The following STAU2 variants were observed in gnomAD, a reference collection of about 807,000 sequenced individuals.
The protein encoded by STAU2 is double-stranded RNA-binding protein Staufen homolog 2.
A neutral mutation model predicts 65.9 loss-of-function variants in STAU2; 20 were observed. That is an observed-to-expected ratio of 0.30 (90% CI 0.21 to 0.44). The LOEUF is 0.44. Among genes scored for constraint, STAU2 ranks in the 20% least tolerant of loss-of-function variants. STAU2 has a pLI of 1.00. For synonymous variants in STAU2, 232 were observed against 233.9 expected (o/e 0.99, Z 0.07); for missense variants, 558 against 683.9 (o/e 0.82, Z 2.05).
At chr8:73,715,540 A>C (rs546317540) in intron 3 of STAU2, among the ~76,000 whole-genome samples, 13 of 151,828 alleles carry the variant, frequency 8.6e-5, no homozygotes, top group African/African-American at 3.1e-4. Context: ...GATTTTTTTT[A>C]ATAATCATTT....
chr8:73,649,256 A>AT (rs1188308736), intron 6 of STAU2, among the ~76,000 whole-genome samples: 3 of 152,170 alleles, frequency 2.0e-5, no homozygotes, highest in Non-Finnish European at 4.4e-5. Flanking sequence ...AGTTAAAAAT[A>AT]TTTTTTTGAT....
chr8:73,679,724 C>CAAA lies in STAU2; in HGVS notation c.275-6485_275-6483dup, dbSNP rs200202936. Among the ~76,000 whole-genome samples, 45 of 137,494 alleles carry CAAA rather than the reference C, an allele frequency of 3.3e-4. 1 individual carries two copies. The highest frequency in any genetic ancestry group is 6.9e-4 in the South Asian group (3 of 4,362). The allele number at this position is 137,494 out of a possible 152,430, so 90.2% of individuals were successfully genotyped here. On this transcript the variant is annotated intron_variant, in intron 5 of 14. Transcript: ENST00000524300. ...TGAAACCCTGTTTCTACTAAAAATA[C>CAAA]AAAAAAAAAAAAAATTAGCTGGGCA...
intron 13 of STAU2, chr8:73,438,884 T>C (rs1817910272): frequency 6.6e-6 from 3 of 453,704 alleles, no homozygotes; most frequent in South Asian, 1.6e-5. Flanking sequence ...ACCTAATGTG[T>C]GGGGAGCTTG....
At chr8:73,641,305 G>A (rs906106394) in intron 6 of STAU2, among the ~76,000 whole-genome samples, 11 of 151,894 alleles carry the variant, frequency 7.2e-5, no homozygotes, top group African/African-American at 2.4e-4. Context: ...GTTGCAGTGA[G>A]CCAAGATGGT....
chr8:73,438,171 G>A (rs1459838154), intron 13 of STAU2, among the ~76,000 whole-genome samples: 4 of 152,146 alleles, frequency 2.6e-5, no homozygotes, highest in Non-Finnish European at 5.9e-5. Flanking sequence ...GTCTCAGTCT[G>A]TCATTATTTC....
chr8:73,483,967 C>A (rs1420521988), intron 13 of STAU2, among the ~76,000 whole-genome samples: 4 of 152,144 alleles, frequency 2.6e-5, no homozygotes, highest in African/African-American at 9.7e-5. Context: ...GTTTCAGCCA[C>A]AGCGTCAGGA....
chr8:73,424,592 G>T (rs541462711), intron 13 of STAU2, among the ~76,000 whole-genome samples: 1 of 152,062 alleles, frequency 6.6e-6, no homozygotes, highest in Admixed American at 6.5e-5. Flanking sequence ...ATGCACCACA[G>T]TTTGTCCGTT....
intron 13 of STAU2, among the ~76,000 whole-genome samples, chr8:73,490,314 G>A (rs1238823490): frequency 6.6e-6 from 1 of 151,956 alleles, no homozygotes; most frequent in African/African-American, 2.4e-5. Flanking sequence ...AAACCCGAGA[G>A]CCTGATTTAC....
intron 13 of STAU2, among the ~76,000 whole-genome samples, chr8:73,484,153 G>A (rs551112428): frequency 6.6e-6 from 1 of 152,190 alleles, no homozygotes; most frequent in African/African-American, 2.4e-5. Context: ...CCTATCAGTA[G>A]GTCCCCTTGG....
intron 13 of STAU2, among the ~76,000 whole-genome samples, chr8:73,515,773 CTTTTTTTTTTTTTTTT>C (rs75132374): frequency 2.2e-5 from 2 of 90,936 alleles, no homozygotes; most frequent in Non-Finnish European, 4.1e-5. Flanking sequence ...AAAAATTTCT[CTTTTTTTTTTTTTTTT>C]TTTTTTTTTT....
chr8:73,554,435 C>A (rs1013230400), intron 12 of STAU2, among the ~76,000 whole-genome samples: 2 of 152,152 alleles, frequency 1.3e-5, no homozygotes, highest in African/African-American at 4.8e-5. Flanking sequence ...TCTGGGTAGC[C>A]CCAGAAAAGC....
chr8:73,483,118 T>C (rs1489549491), intron 13 of STAU2, among the ~76,000 whole-genome samples: 1 of 152,118 alleles, frequency 6.6e-6, no homozygotes, highest in Non-Finnish European at 1.5e-5. Context: ...CTGGACTTTT[T>C]CCTCTGGTCT....
chr8:73,515,747 C>T (rs1248755178), intron 13 of STAU2, among the ~76,000 whole-genome samples: 1 of 148,242 alleles, frequency 6.7e-6, no homozygotes, highest in East Asian at 2.0e-4. Flanking sequence ...TCAAGGCAAC[C>T]TTCTCCCTGT....
chr8:73,613,706 T>C, intron 9 of STAU2, 38 bp downstream of exon 9: 1 of 1,485,054 alleles, frequency 6.7e-7, no homozygotes, highest in Non-Finnish European at 9.2e-7. Context: ...TAATATTTAT[T>C]TAGTAAAACT....
chr8:73,535,812 C>A (rs1409653989), intron 13 of STAU2, among the ~76,000 whole-genome samples: 2 of 152,086 alleles, frequency 1.3e-5, no homozygotes, highest in African/African-American at 4.8e-5. Context: ...AGTCAGTATA[C>A]CATCAAACTA....
chr8:73,476,726 A>T (rs559684216), intron 13 of STAU2, among the ~76,000 whole-genome samples: 1 of 152,294 alleles, frequency 6.6e-6, no homozygotes, highest in Non-Finnish European at 1.5e-5. Flanking sequence ...AGGCCCTCAG[A>T]TCACTGGGGG....
At position 73,428,116 on chromosome 8, in the gene STAU2, A is replaced by G. The variant is rs149391269; in HGVS notation, c.1531-5414T>C. Among the ~76,000 whole-genome samples, 289 of 152,266 alleles carry G rather than the reference A, an allele frequency of 1.9e-3. 1 individual carries two copies. The highest frequency in any genetic ancestry group is 5.1e-3 in the African/African-American group (212 of 41,536). ...GACTGAGACTTTGTACCCTTTGACT[A>G]TCATTTTCCCATTCCACCTACCCCC... On this transcript the variant is annotated intron_variant, in intron 13 of 14. Transcript: ENST00000524300.
At chr8:73,637,941 A>G (rs1361958286) in intron 6 of STAU2, among the ~76,000 whole-genome samples, 1 of 152,060 alleles carries the variant, frequency 6.6e-6, no homozygotes, top group Non-Finnish European at 1.5e-5. Context: ...TAAAATTTTC[A>G]TAATCAGTTT....
chr8:73,520,446 G>A (rs1291342584), intron 13 of STAU2, among the ~76,000 whole-genome samples: 2 of 152,102 alleles, frequency 1.3e-5, no homozygotes, highest in African/African-American at 2.4e-5. Context: ...TTTAAAATAC[G>A]GCTACTAGAA....
Sources: gnomAD v4.1 joint callset for allele counts (sites outside exome capture counted in the v4.1 genomes callset) on GRCh38, gnomAD v4.1.1 for gene constraint, MANE v1.5 for transcripts, NCBI Gene and HGNC (gene_info 2026-07-23, HGNC 2026-07-21) for gene names.